The following ZFHX3 variants were observed in gnomAD, a reference collection of about 807,000 sequenced individuals.
ZFHX3 encodes the protein zinc finger homeobox protein 3.
Under a neutral mutation model 279.1 loss-of-function variants are expected in ZFHX3, and 42 were observed. The observed-to-expected ratio is 0.15, with a 90% CI of 0.12 to 0.19. The LOEUF (loss-of-function observed/expected upper bound fraction) is 0.19, where lower values mean the gene tolerates loss of function less well. Ranked by LOEUF, ZFHX3 falls within the 10% of genes least tolerant of loss-of-function variation. The probability of loss-of-function intolerance (pLI) is 1.00; values close to 1 mark genes in which losing one functional copy is unlikely to be tolerated. For synonymous variants in ZFHX3, 2,293 were observed against 1,957.8 expected, an observed-to-expected ratio of 1.17 and a Z score of -4.52; for missense variants, 4,981 against 4,754.0, an observed-to-expected ratio of 1.05 and a Z score of -1.40.
At chr16:73,640,446 AAAAC>A (rs2052563620) in intron 2 of ZFHX3, among the ~76,000 whole-genome samples, 2 of 152,230 alleles carry the variant, frequency 1.3e-5, no homozygotes, top group Non-Finnish European at 2.9e-5. Flanking sequence ...AACTCAGTCA[AAAAC>A]AAACAATGCA....
In ZFHX3 at chr16:72,788,089, GGCT is replaced by G. The variant is rs752028320; in HGVS notation, c.10184_10186del (p.Gln3395del). On this transcript the variant is annotated inframe_deletion, in exon 10 of 10. Coordinates refer to ENST00000268489, the MANE Select transcript of ZFHX3 (RefSeq NM_006885.4). ...GGGGACTGGGGTTTGGCTTGCTTTG[GGCT>G]GCTGCTGCTGCACTTTTTGCTGCTG... The G allele has an allele frequency of 2.0e-5, 33 of 1,611,686 alleles. No individual in the cohort carries two copies. The East Asian group carries it at 4.0e-4, about 20-fold the overall frequency.
intron 2 of ZFHX3, among the ~76,000 whole-genome samples, chr16:73,548,320 G>A (rs944517609): frequency 1.3e-5 from 2 of 152,106 alleles, no homozygotes; most frequent in African/African-American, 2.4e-5. Context: ...CTAATAAACC[G>A]AACACTGGAG....
intron 1 of ZFHX3, among the ~76,000 whole-genome samples, chr16:72,998,627 C>T (rs1023597933): frequency 1.2e-4 from 19 of 152,344 alleles, no homozygotes; most frequent in South Asian, 4.1e-4. Flanking sequence ...TTAGGGGCCA[C>T]ATACTGCAGT....
At chr16:73,196,714 C>T (rs1687699651) in intron 5 of ZFHX3, among the ~76,000 whole-genome samples, 1 of 152,136 alleles carries the variant, frequency 6.6e-6, no homozygotes, top group African/African-American at 2.4e-5. Flanking sequence ...CTTATAATGA[C>T]ATCTAGCCCA....
chr16:73,636,682 T>C (rs2052529914), intron 2 of ZFHX3, among the ~76,000 whole-genome samples: 1 of 152,202 alleles, frequency 6.6e-6, no homozygotes, highest in African/African-American at 2.4e-5. Flanking sequence ...TAGAAATGTA[T>C]TTAAAATGTA....
At chr16:73,556,660 A>T (rs909683760) in intron 2 of ZFHX3, among the ~76,000 whole-genome samples, 1 of 151,948 alleles carries the variant, frequency 6.6e-6, no homozygotes, top group African/African-American at 2.4e-5. Context: ...TTACAGGGGG[A>T]CCAAAGGAAG....
At chr16:72,914,456 T>C (rs1024312201) in intron 3 of ZFHX3, among the ~76,000 whole-genome samples, 2 of 152,170 alleles carry the variant, frequency 1.3e-5, no homozygotes, top group Non-Finnish European at 2.9e-5. Flanking sequence ...TAGAGTTCAC[T>C]GTGACAAAGC....
intron 5 of ZFHX3, among the ~76,000 whole-genome samples, chr16:72,822,501 G>A (rs2036819521): frequency 6.6e-6 from 1 of 152,090 alleles, no homozygotes; most frequent in Non-Finnish European, 1.5e-5. Context: ...TAATGAACGT[G>A]CTCTAATATC....
chr16:72,889,944 T>C lies in ZFHX3; in HGVS notation c.3235A>G (p.Ser1079Gly), dbSNP rs1160989399. The change falls in exon 4 of 10, where the codon AGT (serine) becomes GGT (glycine). Residue 1079 changes from serine to glycine, a missense_variant. Ser to Gly is a moderately conservative substitution (Grantham distance 56, BLOSUM62 0). Coordinates refer to ENST00000268489, the MANE Select transcript of ZFHX3 (RefSeq NM_006885.4). ...TAGCAGCTCTCACCTTCTACACCACTCTCATGCTGCTGCAGGTGCTGCAAG... is the reference window on the plus strand; with the variant it reads ...TAGCAGCTCTCACCTTCTACACCACCCTCATGCTGCTGCAGGTGCTGCAAG... The part of the protein sequence containing the change: ...KLYKHLQQHE[S>G]GVEGESCYYH... 1 of 1,613,790 alleles carries C rather than the reference T, an allele frequency of 6.2e-7. No homozygotes were observed. Among genetic ancestry groups the C allele is most frequent in the Non-Finnish European group, 8.5e-7 (1 of 1,179,954 alleles).
At chr16:72,889,463 A>C (rs1331087748) in intron 4 of ZFHX3, among the ~76,000 whole-genome samples, 1 of 150,800 alleles carries the variant, frequency 6.6e-6, no homozygotes, top group African/African-American at 2.4e-5. Flanking sequence ...GCCTTGCTCC[A>C]AGAAAAGTGC....
chr16:73,875,978 A>G (rs1199336944), intron 1 of ZFHX3, among the ~76,000 whole-genome samples: 1 of 152,216 alleles, frequency 6.6e-6, no homozygotes, highest in Non-Finnish European at 1.5e-5. Flanking sequence ...GGGCCTTTCC[A>G]TTCCTTCTTA....
chr16:73,706,550 G>C (rs549661488), intron 1 of ZFHX3, among the ~76,000 whole-genome samples: 2 of 151,752 alleles, frequency 1.3e-5, no homozygotes, highest in African/African-American at 4.8e-5. Context: ...GGGCTACTGC[G>C]GAGAAACCTT....
At position 73,696,046 on chromosome 16, in the gene ZFHX3, C is replaced by T. The variant is rs963719828; in HGVS notation, c.-1607-15806G>A. Among the ~76,000 whole-genome samples, 12 of 152,186 alleles carry T rather than the reference C, an allele frequency of 7.9e-5. No homozygotes were observed. In the South Asian group the frequency reaches 1.9e-3, roughly 24 times the overall value. ...TAAGAGGGAAATTGCAGCTCAAACC[C>T]ACTGGGGACTCTGAGAGATGAAATA... On this transcript the variant is annotated intron_variant, in intron 1 of 17. Coordinates refer to the ZFHX3 transcript ENST00000641206.
chr16:73,667,601 A>T (rs956934563), intron 2 of ZFHX3, among the ~76,000 whole-genome samples: 1 of 152,260 alleles, frequency 6.6e-6, no homozygotes, highest in African/African-American at 2.4e-5. Context: ...AGAATGAGTT[A>T]AAAATGCTCA....
At chr16:73,367,490 T>A (rs191171542) in intron 3 of ZFHX3, among the ~76,000 whole-genome samples, 1 of 152,246 alleles carries the variant, frequency 6.6e-6, no homozygotes, top group Admixed American at 6.5e-5. Context: ...CACAGAGACA[T>A]GAAAACATTC....
chr16:73,132,873 C>T (rs1438167450), intron 6 of ZFHX3, among the ~76,000 whole-genome samples: 1 of 152,214 alleles, frequency 6.6e-6, no homozygotes, highest in African/African-American at 2.4e-5. Flanking sequence ...TTGGCCATCT[C>T]TCCCTCTCGT....
rs1567409719 is a variant in ZFHX3, at chr16:73,784,804, T to TACAC, written c.-1607-104565_-1607-104564insGTGT. ...AACAAAATAAAAAAAAAAATATATA[T>TACAC]ATATATATATATACACACACACACA... On this transcript the variant is annotated intron_variant, in intron 1 of 17. Coordinates refer to the ZFHX3 transcript ENST00000641206. 8.8e-5 allele frequency among the ~76,000 whole-genome samples: 11 copies of TACAC among 125,488 alleles called. 1 individual carries two copies. Among genetic ancestry groups the TACAC allele is most frequent in the African/African-American group, 3.5e-4 (10 of 28,170 alleles). 82.3% of individuals were successfully genotyped at this position (125,488 alleles called of 152,430 possible).
rs185672266 is a variant in ZFHX3, at chr16:73,499,039, T to C, written c.-1546-42781A>G. 2.3e-3 allele frequency among the ~76,000 whole-genome samples: 349 copies of C among 152,316 alleles called. 6 individuals carry two copies. Among genetic ancestry groups the C allele is most frequent in the Admixed American group, 0.012 (182 of 15,304 alleles). The stretch of plus-strand genomic sequence containing the variant: ...GAGACCTGAAGTGGGGTTGGACTCA[T>C]GGGCAAAACTACAGAACAAGTTTAT... On this transcript the variant is annotated intron_variant, in intron 2 of 17. Coordinates refer to the ZFHX3 transcript ENST00000641206.
intron 4 of ZFHX3, among the ~76,000 whole-genome samples, chr16:72,884,806 A>G (rs1286096276): frequency 6.6e-6 from 1 of 152,144 alleles, no homozygotes; most frequent in East Asian, 1.9e-4. Flanking sequence ...AGAGCTCTCC[A>G]TTTTTCAAGA....
Sources: gnomAD v4.1 joint callset for allele counts (sites outside exome capture counted in the v4.1 genomes callset) on GRCh38, gnomAD v4.1.1 for gene constraint, MANE v1.5 for transcripts, NCBI Gene and HGNC (gene_info 2026-07-23, HGNC 2026-07-21) for gene names.